Variants in FREM2 observed in about 807,000 individuals in gnomAD.
FREM2 encodes the protein FRAS1 related extracellular matrix 2.
A neutral mutation model predicts 219.9 loss-of-function variants in FREM2; 119 were observed. The observed-to-expected ratio is 0.54, with a 90% confidence interval of 0.47 to 0.63. FREM2 has a LOEUF of 0.63. FREM2 is among the 30% of genes least tolerant of loss of function. FREM2 has a pLI of 0.00. For synonymous variants in FREM2, 1,562 were observed against 1,522.8 expected, an observed-to-expected ratio of 1.03 and a Z score of -0.60; for missense variants, 4,030 against 3,993.6, an observed-to-expected ratio of 1.01 and a Z score of -0.25.
chr13:38,823,810 C>G (rs900980330), intron 6 of FREM2, among the ~76,000 whole-genome samples: 22 of 151,942 alleles, frequency 1.4e-4, no homozygotes, highest in Middle Eastern at 3.4e-3. Flanking sequence ...GAGAGAAGTA[C>G]CAGGGGACAG....
intron 6 of FREM2, among the ~76,000 whole-genome samples, chr13:38,791,451 G>A (rs555255394): frequency 5.3e-5 from 8 of 152,246 alleles, no homozygotes; most frequent in East Asian, 3.9e-4. Context: ...CAGTTCTCAC[G>A]CTGCTGTGAA....
intron 2 of FREM2, among the ~76,000 whole-genome samples, chr13:38,748,045 ATT>A (rs1343812620): frequency 6.6e-6 from 1 of 152,110 alleles, no homozygotes; most frequent in African/African-American, 2.4e-5. Flanking sequence ...ATTGTTGGTG[ATT>A]TTAGCTGTGT....
chr13:38,833,492 A>T (rs1299503313), intron 6 of FREM2, among the ~76,000 whole-genome samples: 1 of 152,064 alleles, frequency 6.6e-6, no homozygotes, highest in African/African-American at 2.4e-5. Context: ...CATCTGAGCA[A>T]CCAAGTTTGT....
At chr13:38,837,889 C>T (rs1368896560) in intron 6 of FREM2, among the ~76,000 whole-genome samples, 1 of 152,002 alleles carries the variant, frequency 6.6e-6, no homozygotes, top group African/African-American at 2.4e-5. Flanking sequence ...ATACAGCACA[C>T]CGATGGGTCT....
At chr13:38,830,465 G>A (rs912420620) in intron 6 of FREM2, among the ~76,000 whole-genome samples, 5 of 152,106 alleles carry the variant, frequency 3.3e-5, no homozygotes, top group Non-Finnish European at 7.4e-5. Context: ...AGGGTCCCAC[G>A]GCTTATGGTC....
chr13:38,858,438 G>A (rs998611833), intron 13 of FREM2, among the ~76,000 whole-genome samples: 1 of 152,112 alleles, frequency 6.6e-6, no homozygotes, highest in Non-Finnish European at 1.5e-5. Context: ...GGTTTGGGAT[G>A]GTCAGGTGGA....
chr13:38,744,963 A>G (rs1872407650), intron 2 of FREM2, among the ~76,000 whole-genome samples: 1 of 152,260 alleles, frequency 6.6e-6, no homozygotes, highest in East Asian at 1.9e-4. Flanking sequence ...AACATGACAT[A>G]GAAGCTCACT....
At chr13:38,751,016 A>G (rs974110070) in intron 2 of FREM2, among the ~76,000 whole-genome samples, 3 of 151,894 alleles carry the variant, frequency 2.0e-5, no homozygotes, top group Admixed American at 6.6e-5. Flanking sequence ...CAATTCTACC[A>G]CAGTTTTGTT....
At chr13:38,829,332 A>G (rs1161160684) in intron 6 of FREM2, among the ~76,000 whole-genome samples, 2 of 152,148 alleles carry the variant, frequency 1.3e-5, no homozygotes, top group East Asian at 1.9e-4. Context: ...ATCCCGTAGT[A>G]TGATGATATG....
At chr13:38,725,963 G>A (rs1248789535) in intron 2 of FREM2, among the ~76,000 whole-genome samples, 1 of 152,192 alleles carries the variant, frequency 6.6e-6, no homozygotes, top group South Asian at 2.1e-4. Context: ...CTGTTTTAAA[G>A]TGGAGGTTTT....
At chr13:38,716,756 C>T (rs927681834) in intron 2 of FREM2, among the ~76,000 whole-genome samples, 9 of 152,212 alleles carry the variant, frequency 5.9e-5, no homozygotes, top group African/African-American at 2.2e-4. Context: ...AATCCTCCCG[C>T]CTCGGCCTCC....
intron 2 of FREM2, among the ~76,000 whole-genome samples, chr13:38,752,118 G>A (rs9576611): frequency 0.15 from 22,337 of 152,136 alleles, 1,876 homozygotes; most frequent in East Asian, 0.25. Flanking sequence ...TGAAAAACAA[G>A]TGTATGACAT....
chr13:38,877,651 G>C (rs183245873), intron 21 of FREM2, among the ~76,000 whole-genome samples: 61 of 152,262 alleles, frequency 4.0e-4, no homozygotes, highest in Middle Eastern at 3.4e-3. Flanking sequence ...TGGCACTCAT[G>C]GTAGGGGTTC....
chr13:38,855,601 C>G (rs903483836), intron 11 of FREM2, among the ~76,000 whole-genome samples: 2 of 152,090 alleles, frequency 1.3e-5, no homozygotes, highest in African/African-American at 4.8e-5. Flanking sequence ...GAACTGGAGA[C>G]CATTATTCTA....
chr13:38,715,764 T>C (rs553950925), intron 2 of FREM2, among the ~76,000 whole-genome samples: 1 of 152,304 alleles, frequency 6.6e-6, no homozygotes, highest in East Asian at 1.9e-4. Context: ...AAATCCTATC[T>C]TGGCCATTTA....
chr13:38,740,192 T>C (rs541750496), intron 2 of FREM2, among the ~76,000 whole-genome samples: 56 of 152,200 alleles, frequency 3.7e-4, no homozygotes, highest in Non-Finnish European at 7.2e-4. Flanking sequence ...AACAAGTAAT[T>C]GTAATGTAAG....
intron 2 of FREM2, among the ~76,000 whole-genome samples, chr13:38,758,559 A>G (rs1157684608): frequency 1.3e-5 from 2 of 152,196 alleles, no homozygotes; most frequent in East Asian, 1.9e-4. Context: ...CCCTGGGGGC[A>G]GGGTAAGAGC....
At chr13:38,700,273 G>C (rs1049817459) in intron 2 of FREM2, among the ~76,000 whole-genome samples, 13 of 152,074 alleles carry the variant, frequency 8.5e-5, no homozygotes, top group African/African-American at 3.1e-4. Context: ...CTTCTGTTAT[G>C]ATGTAGTAAT....
At chr13:38,820,825 T>A (rs543620499) in intron 6 of FREM2, among the ~76,000 whole-genome samples, 1 of 152,252 alleles carries the variant, frequency 6.6e-6, no homozygotes, top group East Asian at 1.9e-4. Flanking sequence ...ATCTGTGAAA[T>A]GCTGCCATGG....
Sources: allele counts gnomAD v4.1 joint callset (sites outside exome capture counted in the v4.1 genomes callset), GRCh38; gene constraint gnomAD v4.1.1; transcripts MANE v1.5; gene names NCBI Gene and HGNC (gene_info 2026-07-23, HGNC 2026-07-21).